CPT1A: variants seen among roughly 807,000 people sequenced by gnomAD.
CPT1A encodes the protein carnitine O-palmitoyltransferase 1, liver isoform.
Under a neutral mutation model 100.8 loss-of-function variants are expected in CPT1A, and 64 were observed. The ratio of observed to expected loss-of-function variants is 0.63; its 90% CI spans 0.52 to 0.78. The LOEUF (loss-of-function observed/expected upper bound fraction) is 0.78. CPT1A is among the 30% of genes least tolerant of loss of function. The pLI, the probability that CPT1A is intolerant of heterozygous loss-of-function variation, is 0.00. For missense variants in CPT1A, 802 were observed against 1,034.1 expected (o/e 0.78, Z 3.08); for synonymous variants, 363 against 396.0 (o/e 0.92, Z 0.99).
At position 68,784,898 on chromosome 11, in the gene CPT1A, C is replaced by T. The variant is rs1035252133; in HGVS notation, c.1080G>A (p.Glu360=). 1 of 1,614,116 alleles carries T rather than the reference C, an allele frequency of 6.2e-7. No individual in the cohort carries two copies. Among genetic ancestry groups the T allele is most frequent in the South Asian group, 1.1e-5 (1 of 91,090 alleles). Residue 360 remains glutamate, a synonymous_variant, in exon 10 of 19, where the codon GAG becomes GAA. Transcript: ENST00000265641. ...TGTCCAGGATCCTCTGCATCTGCTG[C>T]TCCATCTCCCGGGGCTTCAGCAGCC... ...DGRLLKPREM[E]QQMQRILDNT... is the part of the protein sequence containing the mutation.
intron 11 of CPT1A, 145 bp from the exon 12 acceptor site, chr11:68,780,890 G>A: frequency 1.4e-6 from 1 of 705,274 alleles, no homozygotes; most frequent in Non-Finnish European, 2.6e-6. Flanking sequence ...TCTCTGTGGA[G>A]TGAGGGTGAA....
chr11:68,769,337 A>G (rs1373180184), intron 14 of CPT1A, among the ~76,000 whole-genome samples: 2 of 152,074 alleles, frequency 1.3e-5, no homozygotes, highest in African/African-American at 4.8e-5. Flanking sequence ...CCGGGGCTCA[A>G]GTGATCCTCC....
chr11:68,775,483 C>T, intron 12 of CPT1A, 51 bp from the exon 13 acceptor site: 1 of 1,326,802 alleles, frequency 7.5e-7, no homozygotes, highest in Non-Finnish European at 1.1e-6. Flanking sequence ...ACATAAAACA[C>T]ATTAACCTCC....
Position 68,761,562 on chromosome 11 carries a change from G to A in CPT1A, c.2001C>T (p.Leu667=), listed in dbSNP as rs370172029. ...CCTTAAGGAAAGGGGACTCCACAGC[G>A]AGATATTTAGACACCACGTAAAGGC... ...LFCLYVVSKY[L]AVESPFLKEV... is the part of the protein sequence containing the mutation. Residue 667 remains leucine (L), a synonymous_variant, in exon 16 of 19, where the codon CTC becomes CTT. Coordinates refer to ENST00000265641, the MANE Select transcript of CPT1A (RefSeq NM_001876.4). 14 of 1,613,948 alleles carry A rather than the reference G, an allele frequency of 8.7e-6. No individual in the cohort carries two copies. Among genetic ancestry groups the A allele is most frequent in the Non-Finnish European group, 7.6e-6 (9 of 1,180,028 alleles).
In CPT1A at chr11:68,754,932, C is replaced by G. The variant is rs1946663979; in HGVS notation, c.*2712G>C. On this transcript the variant is annotated 3_prime_UTR_variant, in exon 19 of 19. Transcript: ENST00000265641. ...TTATTAATGATAACCTACATTCACA[C>G]TGCATTTCTAAGATTTACATCCAAA... The G allele has an allele frequency of 1.3e-6, 1 of 754,000 alleles. No individual in the cohort carries two copies. Among genetic ancestry groups the G allele is most frequent in the East Asian group, 2.5e-5 (1 of 40,810 alleles). The allele number at this position is 754,000 out of a possible 1,614,324, so 46.7% of individuals were successfully genotyped here.
At chr11:68,771,100 T>TG (rs1854975809) in intron 14 of CPT1A, among the ~76,000 whole-genome samples, 4 of 152,250 alleles carry the variant, frequency 2.6e-5, no homozygotes, top group South Asian at 4.1e-4. Flanking sequence ...GCAGATGGGG[T>TG]GGCTTCCTTT....
intron 3 of CPT1A, among the ~76,000 whole-genome samples, chr11:68,809,228 T>C (rs914615816): frequency 1.3e-5 from 2 of 152,088 alleles, no homozygotes; most frequent in Admixed American, 6.6e-5. Flanking sequence ...CAAACTTGGG[T>C]TTAGGGATTT....
At chr11:68,760,441 TC>T (rs1334272606) in intron 16 of CPT1A, 103 bp from the exon 17 acceptor site, 10 of 835,222 alleles carry the variant, frequency 1.2e-5, no homozygotes, top group Non-Finnish European at 1.7e-5. Context: ...TTTTGATTGT[TC>T]CACACACCAC....
chr11:68,768,135 G>A (rs1854871356), intron 14 of CPT1A, among the ~76,000 whole-genome samples: 1 of 126,722 alleles, frequency 7.9e-6, no homozygotes, highest in African/African-American at 3.0e-5. Flanking sequence ...GAGTGCAGTG[G>A]TGCGATCTCG....
chr11:68,773,480 G>A, intron 13 of CPT1A, 51 bp from the exon 14 acceptor site: 1 of 1,612,930 alleles, frequency 6.2e-7, no homozygotes. Context: ...GAAAAGTACT[G>A]ACGCACACCC....
chr11:68,843,592 T>C (rs373135541), upstream of CPT1A, among the ~76,000 whole-genome samples: 6 of 152,350 alleles, frequency 3.9e-5, no homozygotes, highest in East Asian at 7.7e-4. The surrounding 1 kb of genome is among the most constrained non-coding windows in gnomAD (Gnocchi z 4.0). Flanking sequence ...ATTTTAATCT[T>C]TGCCAATCCT....
rs1044971934 is a variant in CPT1A at position 68,755,767 on chromosome 11, AAT to A, written c.*1875_*1876del. ...TTTTTCTTGCTTTCAGGAGAAAAAA[AAT>A]CTTTGGCCCATAAAGGTGGGATTTT... On this transcript the variant is annotated 3_prime_UTR_variant, in exon 19 of 19. Coordinates refer to ENST00000265641, the MANE Select transcript of CPT1A (RefSeq NM_001876.4). The A allele has an allele frequency of 1.3e-5, 2 of 150,424 alleles. No individual in the cohort carries two copies. The highest frequency in any genetic ancestry group is 2.4e-5 in the African/African-American group (1 of 40,912). 9.3% of individuals were successfully genotyped at this position (150,424 alleles called of 1,614,324 possible).
chr11:68,768,102 G>A lies in CPT1A; in HGVS notation c.1740+5163C>T, dbSNP rs1378713980. On this transcript the variant is annotated intron_variant, in intron 14 of 18. Transcript: ENST00000265641. ...TTTTTTTTTTTTTTTTTGAGAGGGA[G>A]TCTCGCACTGTCACCCAGGCTGGAG... Among the ~76,000 whole-genome samples, 6 of 119,450 alleles carry A rather than the reference G, an allele frequency of 5.0e-5. No individual in the cohort carries two copies. In the East Asian group the frequency reaches 1.4e-3, roughly 27 times the overall value. 78.4% of individuals were successfully genotyped at this position (119,450 alleles called of 152,430 possible).
chr11:68,830,670 A>G (rs1257698929), intron 1 of CPT1A, among the ~76,000 whole-genome samples: 2 of 152,146 alleles, frequency 1.3e-5, no homozygotes, highest in African/African-American at 4.8e-5. Context: ...CCCCTCCGCC[A>G]GGCCCACCAG....
In CPT1A at chr11:68,841,047, G is replaced by T. The variant is rs1857147529; in HGVS notation, c.-14+728C>A. Among the ~76,000 whole-genome samples the T allele has an allele frequency of 6.6e-6, 1 of 152,232 alleles. No individual in the cohort carries two copies. Among genetic ancestry groups the T allele is most frequent in the Non-Finnish European group, 1.5e-5 (1 of 68,030 alleles). On this transcript the variant is annotated intron_variant, in intron 1 of 18. Transcript: ENST00000265641. This position sits in a 1 kb window ranked among gnomAD's most constrained non-coding sequence, Gnocchi z 6.3. ...TCACGGCAGCGCTCGGACCGCGCCT[G>T]GAGTCCCTGCGCCAAGGGCGTGTCC...
At chr11:68,838,580 A>AAAAAAAAAAAAAAAC in intron 1 of CPT1A, among the ~76,000 whole-genome samples, 1 of 145,124 alleles carries the variant, frequency 6.9e-6, no homozygotes, top group East Asian at 2.0e-4. Flanking sequence ...TTTAAAAAAA[A>AAAAAAAAAAAAAAAC]AAAAAAAAAA....
At chr11:68,837,925 T>C (rs1411658718) in intron 1 of CPT1A, among the ~76,000 whole-genome samples, 1 of 152,072 alleles carries the variant, frequency 6.6e-6, no homozygotes, top group Non-Finnish European at 1.5e-5. Context: ...GGAAGGTGAA[T>C]GTAAGGGTGA....
At chr11:68,843,639 C>G (rs1033486704), upstream of CPT1A, among the ~76,000 whole-genome samples, 5 of 152,230 alleles carry the variant, frequency 3.3e-5, no homozygotes, top group African/African-American at 9.6e-5. This position sits in a 1 kb window ranked among gnomAD's most constrained non-coding sequence, Gnocchi z 4.0. Flanking sequence ...TCTCTCATCT[C>G]TCCTTTTAAT....
At chr11:68,775,771 C>T (rs1392708834) in intron 12 of CPT1A, among the ~76,000 whole-genome samples, 5 of 152,196 alleles carry the variant, frequency 3.3e-5, no homozygotes, top group African/African-American at 4.8e-5. Flanking sequence ...CTGGTGACAG[C>T]GCAGACAAGA....
Sources: allele counts gnomAD v4.1 joint callset (sites outside exome capture counted in the v4.1 genomes callset), GRCh38; gene constraint gnomAD v4.1.1; non-coding constraint Gnocchi (gnomAD v3.1); transcripts MANE v1.5; gene names NCBI Gene and HGNC (gene_info 2026-07-23, HGNC 2026-07-21).